DPYD: variants seen among roughly 807,000 people sequenced by gnomAD.
The protein encoded by DPYD is dihydropyrimidine dehydrogenase [NADP(+)].
A neutral mutation model predicts 116.2 loss-of-function variants in DPYD; 109 were observed. The ratio of observed to expected loss-of-function variants is 0.94; its 90% CI spans 0.80 to 1.10. The LOEUF is 1.10. Among genes scored for constraint, DPYD ranks in the 50% least tolerant of loss-of-function variants. The pLI is 0.00. For synonymous variants in DPYD, 440 were observed against 432.0 expected (o/e 1.02, Z -0.23); for missense variants, 1,302 against 1,254.5 (o/e 1.04, Z -0.57).
intron 3 of DPYD, among the ~76,000 whole-genome samples, chr1:97,826,706 A>G (rs1669260401): frequency 6.6e-6 from 1 of 152,150 alleles, no homozygotes; most frequent in Non-Finnish European, 1.5e-5. Flanking sequence ...GCTTTTTCCA[A>G]AACAAATATT....
chr1:97,264,159 T>C (rs1664065712), intron 18 of DPYD, among the ~76,000 whole-genome samples: 1 of 126,402 alleles, frequency 7.9e-6, no homozygotes, highest in Non-Finnish European at 1.7e-5. Context: ...ATAGCAAAAT[T>C]CTGTTTTTTT....
intron 12 of DPYD, among the ~76,000 whole-genome samples, chr1:97,522,981 A>C (rs888064309): frequency 6.6e-6 from 1 of 152,190 alleles, no homozygotes; most frequent in African/African-American, 2.4e-5. Context: ...AAATTGAGGA[A>C]TCCGCTAACA....
chr1:97,272,807 T>A (rs1664682952), intron 18 of DPYD, among the ~76,000 whole-genome samples: 1 of 152,152 alleles, frequency 6.6e-6, no homozygotes, highest in African/African-American at 2.4e-5. Flanking sequence ...TGCTTTAGAA[T>A]ATTGAACAAT....
intron 13 of DPYD, among the ~76,000 whole-genome samples, chr1:97,514,419 A>G (rs1648048182): frequency 6.6e-6 from 1 of 151,902 alleles, no homozygotes; most frequent in Non-Finnish European, 1.5e-5. Flanking sequence ...ATGTTTTTTA[A>G]TAGCATAACT....
intron 10 of DPYD, among the ~76,000 whole-genome samples, chr1:97,582,011 G>A (rs753609116): frequency 6.6e-6 from 1 of 152,278 alleles, no homozygotes; most frequent in African/African-American, 2.4e-5. Context: ...ATTTATAAGT[G>A]GAAGAGTCCT....
At chr1:97,768,695 A>G (rs771355507) in intron 3 of DPYD, among the ~76,000 whole-genome samples, 4 of 152,152 alleles carry the variant, frequency 2.6e-5, no homozygotes, top group Non-Finnish European at 5.9e-5. Context: ...TGCTGTGGCT[A>G]AAAACTGATT....
intron 3 of DPYD, among the ~76,000 whole-genome samples, chr1:97,778,761 A>G (rs1212542559): frequency 6.6e-6 from 1 of 152,292 alleles, no homozygotes; most frequent in African/African-American, 2.4e-5. Context: ...AGTAAGTAAT[A>G]CTGAAAATCA....
At chr1:97,838,936 A>C (rs1669912267) in intron 2 of DPYD, among the ~76,000 whole-genome samples, 2 of 152,226 alleles carry the variant, frequency 1.3e-5, no homozygotes, top group Non-Finnish European at 2.9e-5. Flanking sequence ...TCAAATGAAC[A>C]GGGCCAATGC....
intron 7 of DPYD, 200 bp downstream of exon 7, chr1:97,691,517 G>A (rs2100949441): frequency 1.9e-6 from 1 of 531,658 alleles, no homozygotes. Context: ...GAGAACTATT[G>A]ATTGCCCTTT....
chr1:97,193,697 A>G (rs530859200), intron 19 of DPYD, among the ~76,000 whole-genome samples: 2 of 152,278 alleles, frequency 1.3e-5, no homozygotes, highest in African/African-American at 4.8e-5. Context: ...CGTTAACTCA[A>G]CCATCACTTA....
At chr1:97,882,305 C>CA (rs199880164) in intron 2 of DPYD, among the ~76,000 whole-genome samples, 332 of 151,084 alleles carry the variant, frequency 2.2e-3, no homozygotes, top group African/African-American at 7.6e-3. Flanking sequence ...TTTTTTCATT[C>CA]AAAAAAAATT....
intron 14 of DPYD, among the ~76,000 whole-genome samples, chr1:97,406,162 C>T (rs181081416): frequency 2.8e-4 from 43 of 152,064 alleles, no homozygotes; most frequent in African/African-American, 9.6e-4. Flanking sequence ...CTTCAGTAAG[C>T]CATAGTTCCC....
At chr1:97,834,856 CCCTGCTGAAGTTCTTTATAAGTA>C (rs768817960) in intron 2 of DPYD, among the ~76,000 whole-genome samples, 3 of 151,712 alleles carry the variant, frequency 2.0e-5, no homozygotes, top group Non-Finnish European at 4.4e-5. Context: ...TCAAAACTAG[CCCTGCTGAAGTTCTTTATAAGTA>C]CAAGTAAGAA....
At chr1:97,398,479 G>A (rs913848113) in intron 14 of DPYD, among the ~76,000 whole-genome samples, 3 of 152,090 alleles carry the variant, frequency 2.0e-5, no homozygotes, top group Non-Finnish European at 2.9e-5. Flanking sequence ...GGATCACTAG[G>A]TCAAATGGTA....
At chr1:97,751,482 A>ATATG (rs1664917018) in intron 3 of DPYD, among the ~76,000 whole-genome samples, 3 of 126,580 alleles carry the variant, frequency 2.4e-5, no homozygotes, top group Non-Finnish European at 3.4e-5. Flanking sequence ...ATATATATAT[A>ATATG]TATATATATA....
chr1:97,352,528 G>A (rs187173040), intron 16 of DPYD, among the ~76,000 whole-genome samples: 232 of 150,490 alleles, frequency 1.5e-3, no homozygotes, highest in African/African-American at 5.5e-3. Context: ...CTTGCTCTTG[G>A]AGAAAAGAGG....
chr1:97,198,432 T>A (rs1368196965), intron 19 of DPYD, among the ~76,000 whole-genome samples: 2 of 152,206 alleles, frequency 1.3e-5, no homozygotes, highest in African/African-American at 4.8e-5. Context: ...TAAATACTAA[T>A]AAGACTAAAA....
chr1:97,661,736 C>T (rs982379129), intron 8 of DPYD, among the ~76,000 whole-genome samples: 1 of 151,934 alleles, frequency 6.6e-6, no homozygotes, highest in African/African-American at 2.4e-5. Context: ...GATGAACATG[C>T]ATCTATGAAA....
intron 1 of DPYD, among the ~76,000 whole-genome samples, chr1:97,905,270 G>A (rs1319031561): frequency 6.6e-6 from 1 of 151,938 alleles, no homozygotes; most frequent in African/African-American, 2.4e-5. Flanking sequence ...GCAAGGGTTA[G>A]ACTAATATAA....
Sources: gnomAD v4.1 joint callset for allele counts (sites outside exome capture counted in the v4.1 genomes callset) on GRCh38, gnomAD v4.1.1 for gene constraint, MANE v1.5 for transcripts, NCBI Gene and HGNC (gene_info 2026-07-23, HGNC 2026-07-21) for gene names.